The following LRMDA variants were observed in gnomAD, a reference collection of about 807,000 sequenced individuals.
LRMDA encodes leucine rich melanocyte differentiation associated.
LRMDA carries 18 observed loss-of-function variants against 29.8 expected under a neutral mutation model. The observed-to-expected ratio is 0.60, with a 90% CI of 0.42 to 0.90. The LOEUF (loss-of-function observed/expected upper bound fraction) is 0.90. Among genes scored for constraint, LRMDA ranks in the 40% least tolerant of loss-of-function variants. The pLI is 0.00. For synonymous variants in LRMDA, 125 were observed against 109.4 expected (o/e 1.14, Z -0.89); for missense variants, 273 against 273.9 (o/e 1.00, Z 0.02).
chr10:75,710,588 T>C (rs1485220544), intron 2 of LRMDA, among the ~76,000 whole-genome samples: 2 of 127,828 alleles, frequency 1.6e-5, no homozygotes, highest in African/African-American at 5.1e-5. Flanking sequence ...GAGGAGACTT[T>C]TTGCTGCTGC....
intron 5 of LRMDA, among the ~76,000 whole-genome samples, chr10:76,201,451 C>G (rs904170822): frequency 1.3e-5 from 2 of 152,234 alleles, no homozygotes; most frequent in African/African-American, 4.8e-5. Flanking sequence ...TCGAATGTCA[C>G]ATGACTTGTA....
intron 5 of LRMDA, among the ~76,000 whole-genome samples, chr10:76,296,433 T>C (rs1840413034): frequency 6.6e-6 from 1 of 152,202 alleles, no homozygotes; most frequent in Non-Finnish European, 1.5e-5. Flanking sequence ...TAAAATGATC[T>C]CTGGTTTAGA....
chr10:76,321,867 C>T (rs1840775751), intron 5 of LRMDA, among the ~76,000 whole-genome samples: 1 of 152,068 alleles, frequency 6.6e-6, no homozygotes, highest in African/African-American at 2.4e-5. Flanking sequence ...ATTGCTTGAA[C>T]CAGGGAGGCA....
intron 5 of LRMDA, among the ~76,000 whole-genome samples, chr10:76,075,494 C>A (rs750859494): frequency 1.3e-5 from 2 of 152,200 alleles, no homozygotes; most frequent in African/African-American, 2.4e-5. Context: ...TTAAGCCACC[C>A]AATCAATGAT....
intron 2 of LRMDA, among the ~76,000 whole-genome samples, chr10:75,696,151 G>A (rs1589161646): frequency 1.3e-5 from 2 of 152,266 alleles, no homozygotes; most frequent in South Asian, 2.1e-4. Flanking sequence ...CCCATTATTG[G>A]TTTATCAGTT....
chr10:75,704,698 G>A (rs1016294297), intron 2 of LRMDA, among the ~76,000 whole-genome samples: 25 of 152,182 alleles, frequency 1.6e-4, no homozygotes, highest in African/African-American at 5.8e-4. Context: ...TCTACTGCAT[G>A]GAAACCAGTA....
chr10:76,061,459 A>C (rs1455145268), intron 5 of LRMDA, among the ~76,000 whole-genome samples: 1 of 152,078 alleles, frequency 6.6e-6, no homozygotes, highest in Non-Finnish European at 1.5e-5. Context: ...CTCTACAACA[A>C]ACCCCCGTGA....
chr10:75,944,545 A>G (rs990344970), intron 2 of LRMDA, among the ~76,000 whole-genome samples: 6 of 151,482 alleles, frequency 4.0e-5, no homozygotes, highest in Admixed American at 4.0e-4. Flanking sequence ...AATTGCATGT[A>G]TGTTAGACCA....
chr10:76,217,665 G>A (rs1167260591), intron 5 of LRMDA, among the ~76,000 whole-genome samples: 3 of 152,190 alleles, frequency 2.0e-5, no homozygotes, highest in African/African-American at 7.2e-5. Flanking sequence ...AAGGGGAAAC[G>A]CGTTGGGAAA....
intron 6 of LRMDA, among the ~76,000 whole-genome samples, chr10:76,549,194 A>G (rs1437490500): frequency 2.0e-5 from 3 of 152,140 alleles, no homozygotes; most frequent in East Asian, 1.9e-4. Flanking sequence ...TTGTCACACG[A>G]CAATGAGCCT....
intron 2 of LRMDA, among the ~76,000 whole-genome samples, chr10:76,035,470 GGAGA>G (rs1848225560): frequency 6.6e-6 from 1 of 152,080 alleles, no homozygotes; most frequent in African/African-American, 2.4e-5. Context: ...GGATGTGAAC[GGAGA>G]GAAAGGAAGC....
chr10:76,062,308 A>G (rs1848713772), intron 5 of LRMDA, among the ~76,000 whole-genome samples: 1 of 152,150 alleles, frequency 6.6e-6, no homozygotes, highest in South Asian at 2.1e-4. Context: ...GACATAAAGA[A>G]TTTGGGAGAA....
At chr10:76,071,671 C>A (rs1208500999) in intron 5 of LRMDA, among the ~76,000 whole-genome samples, 1 of 152,246 alleles carries the variant, frequency 6.6e-6, no homozygotes, top group Admixed American at 6.5e-5. Flanking sequence ...AAATGTGCAA[C>A]TTTGTTCACA....
At chr10:75,499,227 C>G (rs924015380) in intron 2 of LRMDA, among the ~76,000 whole-genome samples, 6 of 152,164 alleles carry the variant, frequency 3.9e-5, no homozygotes, top group Non-Finnish European at 5.9e-5. Flanking sequence ...CAAAAGTCTT[C>G]TAGCTTTCCA....
intron 6 of LRMDA, among the ~76,000 whole-genome samples, chr10:76,511,691 A>G (rs1367188990): frequency 6.6e-6 from 1 of 151,604 alleles, no homozygotes; most frequent in Non-Finnish European, 1.5e-5. Flanking sequence ...TAAAACTTAC[A>G]TGGTGAAAAC....
chr10:75,949,943 G>A (rs1846544811), intron 2 of LRMDA, among the ~76,000 whole-genome samples: 1 of 152,184 alleles, frequency 6.6e-6, no homozygotes, highest in Non-Finnish European at 1.5e-5. Context: ...CGTTTTCTTG[G>A]TGACAGGAAT....
chr10:75,872,059 A>G (rs1353115753), intron 2 of LRMDA, among the ~76,000 whole-genome samples: 1 of 152,090 alleles, frequency 6.6e-6, no homozygotes, highest in Non-Finnish European at 1.5e-5. Context: ...TTGACAAAGC[A>G]CCCCATCTCT....
intron 2 of LRMDA, among the ~76,000 whole-genome samples, chr10:75,616,088 G>A (rs991418887): frequency 6.6e-6 from 1 of 152,162 alleles, no homozygotes; most frequent in Non-Finnish European, 1.5e-5. Context: ...CATGGGTGGG[G>A]AGGGCTCACA....
At chr10:76,107,692 A>C (rs1457256728) in intron 5 of LRMDA, among the ~76,000 whole-genome samples, 1 of 152,122 alleles carries the variant, frequency 6.6e-6, no homozygotes, top group East Asian at 1.9e-4. Flanking sequence ...TGGTCTCTGG[A>C]TGCCTCAACA....
Sources: allele counts gnomAD v4.1 joint callset (sites outside exome capture counted in the v4.1 genomes callset), GRCh38; gene constraint gnomAD v4.1.1; transcripts MANE v1.5; gene names NCBI Gene and HGNC (gene_info 2026-07-23, HGNC 2026-07-21).